Variants in KCNN2 observed in about 807,000 individuals in gnomAD.
KCNN2 encodes the protein small conductance calcium-activated potassium channel protein 2.
A neutral mutation model predicts 55.5 loss-of-function variants in KCNN2; 24 were observed. The ratio of observed to expected loss-of-function variants is 0.43; its 90% CI spans 0.31 to 0.61. The LOEUF is 0.61. Ranked by LOEUF, KCNN2 falls within the 20% of genes least tolerant of loss-of-function variation. The pLI, the probability that KCNN2 is intolerant of heterozygous loss-of-function variation, is 0.08. For synonymous variants in KCNN2, 431 were observed against 336.1 expected (o/e 1.28, Z -3.09); for missense variants, 754 against 853.6 (o/e 0.88, Z 1.45).
At chr5:114,179,948 T>C (rs1258930398) in intron 1 of KCNN2, among the ~76,000 whole-genome samples, 18 of 152,234 alleles carry the variant, frequency 1.2e-4, no homozygotes, top group Non-Finnish European at 1.6e-4. Flanking sequence ...TTATCTTTAT[T>C]TTATTAATCC....
At chr5:114,462,112 C>T (rs1482723509) in intron 3 of KCNN2, among the ~76,000 whole-genome samples, 2 of 152,136 alleles carry the variant, frequency 1.3e-5, no homozygotes, top group African/African-American at 4.8e-5. Context: ...GAATGTGCAT[C>T]TAGAGCAAAT....
At chr5:114,408,885 A>G (rs1365701543) in intron 3 of KCNN2, among the ~76,000 whole-genome samples, 4 of 152,240 alleles carry the variant, frequency 2.6e-5, no homozygotes, top group Non-Finnish European at 5.9e-5. Flanking sequence ...GTTTTTTAAC[A>G]TGCTCAGATT....
intron 1 of KCNN2, among the ~76,000 whole-genome samples, chr5:114,129,241 A>G (rs981920009): frequency 6.6e-6 from 1 of 152,150 alleles, no homozygotes; most frequent in African/African-American, 2.4e-5. Context: ...CATTAGCCAA[A>G]CCCAGCTGGT....
At chr5:114,153,158 G>A (rs548712443) in intron 1 of KCNN2, among the ~76,000 whole-genome samples, 35 of 152,270 alleles carry the variant, frequency 2.3e-4, no homozygotes, top group African/African-American at 8.2e-4. Context: ...AAGCCAGTGG[G>A]CAATTAGATA....
intron 1 of KCNN2, among the ~76,000 whole-genome samples, chr5:114,059,150 A>T (rs1008856010): frequency 1.3e-5 from 2 of 152,194 alleles, no homozygotes; most frequent in Non-Finnish European, 2.9e-5. Flanking sequence ...AGAATGGACA[A>T]GGTTTGGGTG....
At chr5:114,450,347 C>G (rs896120698) in intron 3 of KCNN2, among the ~76,000 whole-genome samples, 2 of 152,144 alleles carry the variant, frequency 1.3e-5, no homozygotes, top group African/African-American at 4.8e-5. Flanking sequence ...CCAGTTTCCT[C>G]TTGGAGGAGC....
intron 4 of KCNN2, among the ~76,000 whole-genome samples, chr5:114,464,732 GA>G (rs1229288209): frequency 1.1e-4 from 16 of 151,842 alleles, no homozygotes; most frequent in Non-Finnish European, 2.4e-4. Context: ...CCCAATTGTA[GA>G]AAATATAGTT....
At chr5:114,313,897 C>T (rs190017585) in intron 2 of KCNN2, among the ~76,000 whole-genome samples, 10 of 152,192 alleles carry the variant, frequency 6.6e-5, no homozygotes, top group East Asian at 3.9e-4. Context: ...AATGTTTTTA[C>T]GGGCTTTTTG....
At chr5:114,096,203 C>G (rs1043448417) in intron 1 of KCNN2, among the ~76,000 whole-genome samples, 4 of 152,122 alleles carry the variant, frequency 2.6e-5, no homozygotes, top group African/African-American at 9.7e-5. Flanking sequence ...TACTACCCAG[C>G]ATGAGTACCT....
chr5:114,266,160 C>T (rs1414825303), intron 2 of KCNN2, among the ~76,000 whole-genome samples: 1 of 151,950 alleles, frequency 6.6e-6, no homozygotes, highest in Non-Finnish European at 1.5e-5. Flanking sequence ...TAATGAGATA[C>T]TTTACATTCT....
chr5:114,328,936 T>C (rs1327020730), intron 2 of KCNN2, among the ~76,000 whole-genome samples: 1 of 152,180 alleles, frequency 6.6e-6, no homozygotes, highest in African/African-American at 2.4e-5. Context: ...TATTTCTGCT[T>C]TCTACAATCC....
intron 2 of KCNN2, among the ~76,000 whole-genome samples, chr5:114,374,849 T>A (rs1757885694): frequency 6.6e-6 from 1 of 152,204 alleles, no homozygotes; most frequent in South Asian, 2.1e-4. Context: ...CTGGGCATTT[T>A]TGCCTGATTA....
intron 1 of KCNN2, among the ~76,000 whole-genome samples, chr5:114,193,276 G>A (rs1158898620): frequency 1.3e-5 from 2 of 152,006 alleles, no homozygotes; most frequent in African/African-American, 4.8e-5. Context: ...AACTGGACTC[G>A]TTTTACTCCA....
At chr5:114,394,285 A>G (rs1330173462) in intron 2 of KCNN2, among the ~76,000 whole-genome samples, 1 of 152,002 alleles carries the variant, frequency 6.6e-6, no homozygotes, top group Non-Finnish European at 1.5e-5. Flanking sequence ...TTTTCATCTC[A>G]TTTTCCATGA....
chr5:114,299,266 G>T (rs1427202223), intron 2 of KCNN2, among the ~76,000 whole-genome samples: 3 of 152,072 alleles, frequency 2.0e-5, no homozygotes, highest in African/African-American at 4.8e-5. Flanking sequence ...CAAATATCCT[G>T]TTGGGAGCAA....
intron 2 of KCNN2, among the ~76,000 whole-genome samples, chr5:114,223,552 A>G (rs1182184804): frequency 6.6e-6 from 1 of 152,178 alleles, no homozygotes; most frequent in Non-Finnish European, 1.5e-5. Context: ...GCCAAAATAG[A>G]CAGGGAAGTG....
At chr5:114,470,470 A>G (rs1761675429) in intron 4 of KCNN2, among the ~76,000 whole-genome samples, 1 of 152,146 alleles carries the variant, frequency 6.6e-6, no homozygotes. Flanking sequence ...TATACCATAC[A>G]GCAGGTAGCT....
At chr5:114,398,349 C>G (rs1266144819) in intron 2 of KCNN2, among the ~76,000 whole-genome samples, 1 of 152,106 alleles carries the variant, frequency 6.6e-6, no homozygotes, top group Non-Finnish European at 1.5e-5. Context: ...CGCATTATGT[C>G]TGCACTCTGT....
intron 2 of KCNN2, among the ~76,000 whole-genome samples, chr5:114,267,901 G>A (rs1755242015): frequency 6.6e-6 from 1 of 152,140 alleles, no homozygotes; most frequent in Admixed American, 6.5e-5. Context: ...CTGGATGAGG[G>A]AAACCAGTGT....
Sources: allele counts gnomAD v4.1 joint callset (sites outside exome capture counted in the v4.1 genomes callset), GRCh38; gene constraint gnomAD v4.1.1; transcripts MANE v1.5; gene names NCBI Gene and HGNC (gene_info 2026-07-23, HGNC 2026-07-21).